The following SRRM1 variants were observed in gnomAD, a reference collection of about 807,000 sequenced individuals.
SRRM1 encodes serine and arginine repetitive matrix 1.
Under a neutral mutation model 110.2 loss-of-function variants are expected in SRRM1, and 19 were observed. The ratio of observed to expected loss-of-function variants is 0.17; its 90% CI spans 0.12 to 0.25. The LOEUF is 0.25. Among genes scored for constraint, SRRM1 ranks in the 10% least tolerant of loss-of-function variants. The pLI is 1.00. For synonymous variants in SRRM1, 443 were observed against 414.9 expected (o/e 1.07, Z -0.82); for missense variants, 918 against 1,145.8 (o/e 0.80, Z 2.87).
At chr1:24,663,565 G>C (rs1350642562) in intron 12 of SRRM1, among the ~76,000 whole-genome samples, 2 of 152,072 alleles carry the variant, frequency 1.3e-5, no homozygotes, top group Non-Finnish European at 2.9e-5. Context: ...TTGCTCCTTA[G>C]ATTTGGGGGG....
intron 6 of SRRM1, among the ~76,000 whole-genome samples, chr1:24,651,854 T>C (rs1033659424): frequency 6.6e-6 from 1 of 151,314 alleles, no homozygotes; most frequent in Non-Finnish European, 1.5e-5. Flanking sequence ...ACTTGCTTTT[T>C]TTCCTCAACG....
intron 5 of SRRM1, 27 bp from the exon 6 acceptor site, chr1:24,651,382 A>G: frequency 6.3e-7 from 1 of 1,593,616 alleles, no homozygotes; most frequent in Non-Finnish European, 8.6e-7. Context: ...TTATTTAAAA[A>G]CCTGAAAAAA....
At chr1:24,644,442 G>A (rs1656075647) in intron 1 of SRRM1, among the ~76,000 whole-genome samples, 2 of 152,336 alleles carry the variant, frequency 1.3e-5, no homozygotes, top group South Asian at 4.1e-4. Context: ...TTTAGAGCAT[G>A]TAATTTGCAG....
At chr1:24,655,933 G>T (rs1364323850) in intron 9 of SRRM1, among the ~76,000 whole-genome samples, 5 of 152,120 alleles carry the variant, frequency 3.3e-5, no homozygotes, top group Admixed American at 6.5e-5. Context: ...GGGTTATTAT[G>T]ATCATATTGA....
chr1:24,672,420 A>G lies in SRRM1; in HGVS notation c.*134A>G. The G allele has an allele frequency of 1.7e-6, 1 of 588,866 alleles. No homozygotes were observed. The highest frequency in any genetic ancestry group is 2.3e-5 in the South Asian group (1 of 44,198). 36.5% of individuals were successfully genotyped at this position (588,866 alleles called of 1,614,324 possible). The stretch of plus-strand genomic sequence containing the variant: ...GCTAGGTTGAAGTTCAACATGTAAA[A>G]AAAGGGGGCATGGATTTACATTGCA... On this transcript the variant is annotated 3_prime_UTR_variant, in exon 17 of 17. Transcript: ENST00000323848.
At chr1:24,654,823 C>G in intron 8 of SRRM1, 32 bp from the exon 9 acceptor site, 1 of 1,611,748 alleles carries the variant, frequency 6.2e-7, no homozygotes, top group South Asian at 1.1e-5. Context: ...TATAAGTGTG[C>G]AATTAGTGAA....
Position 24,643,315 on chromosome 1 carries a change from C to G in SRRM1, c.-12C>G. 6.4e-7 allele frequency: 1 copy of G among 1,564,380 alleles called. No individual in the cohort carries two copies. Among genetic ancestry groups the G allele is most frequent in the South Asian group, 1.2e-5 (1 of 86,100 alleles). ...CCTGGGATAGGGAGCGATCTCCGAG[C>G]GAGGCGGCAAGATGGACGCGGGATT... On this transcript the variant is annotated 5_prime_UTR_variant, in exon 1 of 17. Coordinates refer to ENST00000323848, the MANE Select transcript of SRRM1 (RefSeq NM_005839.4).
intron 10 of SRRM1, 97 bp downstream of exon 10, chr1:24,660,896 C>A: frequency 1.2e-6 from 1 of 814,422 alleles, no homozygotes; most frequent in Non-Finnish European, 2.0e-6. Context: ...TCCCCTTCTG[C>A]TTGAAGATTA....
chr1:24,650,942 T>C (rs1660313917), intron 5 of SRRM1, among the ~76,000 whole-genome samples: 1 of 152,254 alleles, frequency 6.6e-6, no homozygotes, highest in Admixed American at 6.5e-5. Flanking sequence ...GGATGTTTGA[T>C]GTATATTTCT....
intron 6 of SRRM1, 33 bp from the exon 7 acceptor site, chr1:24,652,401 C>CGCA: frequency 9.2e-7 from 1 of 1,081,772 alleles, no homozygotes; most frequent in Non-Finnish European, 1.2e-6. Context: ...TACAAGAAGG[C>CGCA]AAAAAAAAAA....
At chr1:24,661,734 C>G (rs59305162) in intron 11 of SRRM1, among the ~76,000 whole-genome samples, 5,918 of 152,226 alleles carry the variant, frequency 0.039, 357 homozygotes, top group African/African-American at 0.13. Context: ...CCCACAGAAG[C>G]TCAACTGTAG....
At chr1:24,671,907 TTTTG>T (rs985087365) in intron 16 of SRRM1, among the ~76,000 whole-genome samples, 16 of 152,062 alleles carry the variant, frequency 1.1e-4, no homozygotes, top group Non-Finnish European at 2.1e-4. Context: ...TGGTTTTTTT[TTTTG>T]TTTGTTTTTT....
intron 8 of SRRM1, among the ~76,000 whole-genome samples, chr1:24,653,275 T>C (rs1323666735): frequency 1.3e-5 from 2 of 152,332 alleles, no homozygotes; most frequent in South Asian, 2.1e-4. Context: ...TGTTAACTTT[T>C]ACCCTTCTAG....
intron 12 of SRRM1, among the ~76,000 whole-genome samples, chr1:24,665,636 C>A (rs1264013484): frequency 6.6e-6 from 1 of 152,074 alleles, no homozygotes; most frequent in African/African-American, 2.4e-5. Flanking sequence ...TGGTGTGAAC[C>A]CAGGAGGCAG....
intron 15 of SRRM1, 70 bp downstream of exon 15, chr1:24,670,385 G>C (rs1424942569): frequency 7.1e-7 from 1 of 1,412,076 alleles, no homozygotes; most frequent in African/African-American, 1.5e-5. Flanking sequence ...CAGAGAAAAT[G>C]TCATTGGGGC....
intron 9 of SRRM1, among the ~76,000 whole-genome samples, chr1:24,656,745 A>G (rs1664333503): frequency 6.6e-6 from 1 of 152,236 alleles, no homozygotes; most frequent in African/African-American, 2.4e-5. Flanking sequence ...TATTTATATC[A>G]TATAGCCTAA....
chr1:24,654,211 C>T, intron 8 of SRRM1: 2 of 985,506 alleles, frequency 2.0e-6, no homozygotes, highest in Non-Finnish European at 2.8e-6. Flanking sequence ...ATTGTGCTTA[C>T]TCAGCCATTT....
intron 8 of SRRM1, chr1:24,654,483 T>C: frequency 1.4e-6 from 1 of 728,554 alleles, no homozygotes; most frequent in Non-Finnish European, 2.0e-6. Flanking sequence ...TTCTCAACAT[T>C]GTGTTATTAA....
chr1:24,651,488 C>T lies in SRRM1; in HGVS notation c.601C>T (p.Pro201Ser), dbSNP rs1660641475. The change falls in exon 6 of 17, where the codon CCC (proline) becomes TCC (serine). Residue 201 changes from proline to serine, a missense_variant. This residue lies in a region of SRRM1 where 456 missense variants were observed against 453.5 expected (regional missense o/e 1.01). Transcript: ENST00000323848. ...GAGAAAGCGCAGTCATTCTCGATCTCCCCGTCACAGAACCAAGAGCCGGAG... is the reference window on the plus strand; with the variant it reads ...GAGAAAGCGCAGTCATTCTCGATCTTCCCGTCACAGAACCAAGAGCCGGAG... ...RERKRSHSRS[P>S]RHRTKSRSPS... 2 of 1,614,030 alleles carry T rather than the reference C, an allele frequency of 1.2e-6. No individual in the cohort carries two copies. Among genetic ancestry groups the T allele is most frequent in the Non-Finnish European group, 1.7e-6 (2 of 1,180,026 alleles).
Sources: allele counts gnomAD v4.1 joint callset (sites outside exome capture counted in the v4.1 genomes callset), GRCh38; gene constraint gnomAD v4.1.1; regional missense constraint gnomAD v4.1.1; transcripts MANE v1.5; gene names NCBI Gene and HGNC (gene_info 2026-07-23, HGNC 2026-07-21).